STT3A: variants seen among roughly 807,000 people sequenced by gnomAD.
STT3A encodes STT3 oligosaccharyltransferase complex catalytic subunit A, also known as dolichyl-diphosphooligosaccharide--protein glycosyltransferase subunit STT3A.
In STT3A, 34 loss-of-function variants were observed where a neutral mutation model predicts 89.2. That is an observed-to-expected ratio of 0.38 (90% CI 0.29 to 0.51). The LOEUF is 0.51. Among genes scored for constraint, STT3A ranks in the 20% least tolerant of loss-of-function variants. The pLI is 0.89. For missense variants in STT3A, 555 were observed against 889.5 expected (o/e 0.62, Z 4.78); for synonymous variants, 282 against 310.3 (o/e 0.91, Z 0.96).
chr11:125,620,219 GAA>G, intron 17 of STT3A, 93 bp downstream of exon 17: 1 of 990,188 alleles, frequency 1.0e-6, no homozygotes. Context: ...CTCAAATAGG[GAA>G]ATTTCTCATG....
At chr11:125,593,893 A>G (rs1939399560) in intron 1 of STT3A, among the ~76,000 whole-genome samples, 1 of 152,186 alleles carries the variant, frequency 6.6e-6, no homozygotes, top group Admixed American at 6.5e-5. Flanking sequence ...TATTCCAATA[A>G]TAGTGGGAAA....
rs10893404 is a variant in STT3A, at chr11:125,602,721, T to C, written c.272-82T>C. Reference sequence around the variant, plus strand: ...ATTTGTCAAGACTTACATAGTCACTTTATTGTATCTGGGATTTTCCCTTTC... The same window carrying C: ...ATTTGTCAAGACTTACATAGTCACTCTATTGTATCTGGGATTTTCCCTTTC... On this transcript the variant is annotated intron_variant, in intron 4 of 17. Coordinates refer to ENST00000392708, the MANE Select transcript of STT3A (RefSeq NM_152713.5). The C allele has an allele frequency of 0.071, 110,825 of 1,559,584 alleles. 5,079 individuals are homozygous for C. Among genetic ancestry groups the C allele is most frequent in the African/African-American group, 0.23 (16,569 of 73,616 alleles).
chr11:125,614,457 G>A lies in STT3A; in HGVS notation c.1774+31G>A, dbSNP rs1399342172. On this transcript the variant is annotated intron_variant, in intron 15 of 17. Coordinates refer to ENST00000392708, the MANE Select transcript of STT3A (RefSeq NM_152713.5). This position sits in a 1 kb window ranked among gnomAD's most constrained non-coding sequence, Gnocchi z 4.9. ...ATACTTGATTCTGTTTCTAGCTGCA[G>A]GACATAGATTCTAAGAAAACTAGAT... 6.3e-7 allele frequency: 1 copy of A among 1,583,738 alleles called. No individual in the cohort carries two copies.
chr11:125,608,357 C>T (rs1591376068), intron 9 of STT3A, 68 bp downstream of exon 9: 1 of 1,487,912 alleles, frequency 6.7e-7, no homozygotes, highest in Admixed American at 2.2e-5. Flanking sequence ...TCTTGTTGCC[C>T]AGGCCGGAGT....
chr11:125,612,371 CATT>C (rs1940052472), intron 11 of STT3A, among the ~76,000 whole-genome samples: 2 of 152,090 alleles, frequency 1.3e-5, no homozygotes, highest in Non-Finnish European at 2.9e-5. Context: ...TACTTTATAT[CATT>C]ATTCAAGACA....
chr11:125,608,446 C>T, intron 9 of STT3A, 157 bp downstream of exon 9: 1 of 723,114 alleles, frequency 1.4e-6, no homozygotes, highest in Middle Eastern at 4.3e-4. Flanking sequence ...TCCTGAGTAG[C>T]TGGGATTACA....
Position 125,613,012 on chromosome 11 carries a change from C to T in STT3A, c.1389C>T (p.Val463=), listed in dbSNP as rs1940072077. 6.2e-7 allele frequency: 1 copy of T among 1,614,120 alleles called. No homozygotes were observed. Among genetic ancestry groups the T allele is most frequent in the East Asian group, 2.2e-5 (1 of 44,880 alleles). ...AGGTGGCAAGTGGGATGATACTGGT[C>T]ATGGCTTTCTTTCTCATCACCTACA... is the stretch of plus-strand genomic sequence containing the variant. ...KNEVASGMIL[V]MAFFLITYTF... The change falls in exon 13 of 18, where the codon GTC becomes GTT. Residue 463 remains valine, a synonymous_variant. Coordinates refer to ENST00000392708, the MANE Select transcript of STT3A (RefSeq NM_152713.5). This position sits in a 1 kb window ranked among gnomAD's most constrained non-coding sequence, Gnocchi z 4.2.
intron 4 of STT3A, 137 bp downstream of exon 4, chr11:125,602,561 T>A: frequency 8.5e-7 from 1 of 1,181,392 alleles, no homozygotes; most frequent in Non-Finnish European, 1.2e-6. Flanking sequence ...TTCCTAAAAG[T>A]GCATCTTACA....
chr11:125,609,768 G>A (rs1213402055), intron 10 of STT3A, 179 bp downstream of exon 10: 2 of 577,316 alleles, frequency 3.5e-6, no homozygotes, highest in Non-Finnish European at 5.6e-6. Context: ...AAGTTCAACA[G>A]TTGTAGATAT....
Position 125,620,794 on chromosome 11 carries a change from G to C in STT3A, c.2102G>C (p.Gly701Ala). The C allele has an allele frequency of 1.2e-6, 2 of 1,613,820 alleles. No individual in the cohort carries two copies. Among genetic ancestry groups the C allele is most frequent in the Non-Finnish European group, 1.7e-6 (2 of 1,179,942 alleles). Residue 701 changes from glycine to alanine, a missense_variant, in exon 18 of 18, where the codon GGC becomes GCC. By Grantham distance (60) the Gly-to-Ala change is moderately conservative. Coordinates refer to ENST00000392708, the MANE Select transcript of STT3A (RefSeq NM_152713.5). The stretch of plus-strand genomic sequence containing the variant: ...CAGGTAAAGGACCTGGATAATCGAG[G>C]CTTGTCAAGGACATAAATGTCACGT... ...IYKVKDLDNR[G>A]LSRT
rs778795647 is a variant in STT3A at position 125,620,032 on chromosome 11, G to A, written c.1985G>A (p.Arg662His). 1.2e-6 allele frequency: 2 copies of A among 1,614,004 alleles called. No homozygotes were observed. Among genetic ancestry groups the A allele is most frequent in the South Asian group, 1.1e-5 (1 of 91,062 alleles). ...TEAKRPPGFD[R>H]VRNAEIGNKD... ...CTAGAGCGTCCTCCAGGCTTTGACC[G>A]TGTCCGAAATGCTGAGATTGGGAAT... is the stretch of plus-strand genomic sequence containing the variant. Residue 662 changes from arginine (R) to histidine (H), a missense_variant, in exon 17 of 18, where the codon CGT becomes CAT. Around this residue, in one of 5 missense-constraint regions of STT3A, gnomAD observed 273 missense variants for 449.8 expected, o/e 0.61. Transcript: ENST00000392708.
chr11:125,620,536 T>C (rs1266129724), intron 17 of STT3A, among the ~76,000 whole-genome samples: 2 of 152,194 alleles, frequency 1.3e-5, no homozygotes, highest in African/African-American at 2.4e-5. Flanking sequence ...TAAGAAAAGA[T>C]TGAGAACCCT....
At position 125,608,276 on chromosome 11, in the gene STT3A, C is replaced by T; in HGVS notation, c.948C>T (p.Leu316=). The T allele has an allele frequency of 6.2e-7, 1 of 1,605,746 alleles. No individual in the cohort carries two copies. Among genetic ancestry groups the T allele is most frequent in the Non-Finnish European group, 8.5e-7 (1 of 1,177,614 alleles). Residue 316 remains leucine, a synonymous_variant, in exon 9 of 18, where the codon CTC becomes CTT. Transcript: ENST00000392708. ...VGFVLLTVGA[L]LMLTGKISPW... The stretch of plus-strand genomic sequence containing the variant: ...TTGTCCTTCTCACCGTGGGAGCTCT[C>T]CTCATGCTGACAGGTAGGGAAGGCT...
upstream of STT3A, chr11:125,592,702 T>C: frequency 3.2e-6 from 1 of 312,388 alleles, no homozygotes; most frequent in Non-Finnish European, 6.4e-6. Flanking sequence ...GTGATAGCTG[T>C]AATGACCAAT....
In STT3A at chr11:125,609,483, T is replaced by A; in HGVS notation, c.1011T>A (p.Ser337=). 1 of 1,614,138 alleles carries A rather than the reference T, an allele frequency of 6.2e-7. No individual in the cohort carries two copies. Among genetic ancestry groups the A allele is most frequent in the Non-Finnish European group, 8.5e-7 (1 of 1,180,022 alleles). ...GTTTCTACTCGCTGCTGGATCCCTC[T>A]TATGCTAAGAACAACATCCCCATCA... ...TGRFYSLLDP[S]YAKNNIPIIA... The change falls in exon 10 of 18, where the codon TCT becomes TCA. Residue 337 remains serine (S), a synonymous_variant. Transcript: ENST00000392708.
At chr11:125,599,781 A>C (rs988690807) in intron 3 of STT3A, among the ~76,000 whole-genome samples, 140 of 150,014 alleles carry the variant, frequency 9.3e-4, no homozygotes, top group Middle Eastern at 3.4e-3. Context: ...CCCAGGCTGG[A>C]GTGCAATGGC....
At chr11:125,620,559 A>G (rs1247548924) in intron 17 of STT3A, among the ~76,000 whole-genome samples, 1 of 152,212 alleles carries the variant, frequency 6.6e-6, no homozygotes, top group Admixed American at 6.6e-5. Flanking sequence ...ATCTATGTGG[A>G]GGGTAGATCA....
At chr11:125,594,195 GTC>G (rs1228881012) in intron 1 of STT3A, among the ~76,000 whole-genome samples, 4 of 152,284 alleles carry the variant, frequency 2.6e-5, no homozygotes, top group South Asian at 2.1e-4. Context: ...ACAATTATGT[GTC>G]AGTCAAAAAG....
At chr11:125,600,865 T>C (rs1337689650) in intron 3 of STT3A, among the ~76,000 whole-genome samples, 2 of 152,154 alleles carry the variant, frequency 1.3e-5, no homozygotes, top group Non-Finnish European at 2.9e-5. Flanking sequence ...TGGCTCACTG[T>C]AGCCTTGACC....
Sources: allele counts gnomAD v4.1 joint callset (sites outside exome capture counted in the v4.1 genomes callset), GRCh38; gene constraint gnomAD v4.1.1; regional missense constraint gnomAD v4.1.1; non-coding constraint Gnocchi (gnomAD v3.1); transcripts MANE v1.5; gene names NCBI Gene and HGNC (gene_info 2026-07-23, HGNC 2026-07-21).